MARCHF3: variants seen among roughly 807,000 people sequenced by gnomAD.
The protein encoded by MARCHF3 is membrane associated ring-CH-type finger 3.
A neutral mutation model predicts 24.2 loss-of-function variants in MARCHF3; 13 were observed. The ratio of observed to expected loss-of-function variants is 0.54; its 90% CI spans 0.35 to 0.85. MARCHF3 has a LOEUF of 0.85. Among genes scored for constraint, MARCHF3 ranks in the 40% least tolerant of loss-of-function variants. MARCHF3 has a pLI of 0.01. For synonymous variants in MARCHF3, 144 were observed against 137.3 expected (o/e 1.05, Z -0.34); for missense variants, 276 against 325.0 (o/e 0.85, Z 1.16).
intron 1 of MARCHF3, among the ~76,000 whole-genome samples, chr5:127,008,404 T>C (rs1453505983): frequency 6.6e-6 from 1 of 152,186 alleles, no homozygotes; most frequent in Non-Finnish European, 1.5e-5. Context: ...TGGGGTGAGT[T>C]TTCTTCTGCA....
intron 3 of MARCHF3, among the ~76,000 whole-genome samples, chr5:126,897,633 G>C (rs1753965590): frequency 6.6e-6 from 1 of 152,002 alleles, no homozygotes; most frequent in African/African-American, 2.4e-5. Context: ...AAAGAAGAAA[G>C]TAAAAGATGA....
At chr5:126,940,443 A>T (rs1395579231) in intron 1 of MARCHF3, among the ~76,000 whole-genome samples, 2 of 151,008 alleles carry the variant, frequency 1.3e-5, no homozygotes, top group Admixed American at 6.6e-5. Context: ...TATGTTTTTA[A>T]TTTTTTTTTC....
chr5:126,982,380 A>G (rs1580705153), intron 1 of MARCHF3, among the ~76,000 whole-genome samples: 1 of 152,138 alleles, frequency 6.6e-6, no homozygotes, highest in South Asian at 2.1e-4. Context: ...AGGGATGGGG[A>G]AGGAACAGCA....
intron 1 of MARCHF3, among the ~76,000 whole-genome samples, chr5:126,967,324 C>T (rs1055725226): frequency 3.3e-5 from 5 of 152,150 alleles, no homozygotes; most frequent in Admixed American, 6.5e-5. Context: ...AAAATATGTG[C>T]GTGTCTGAAC....
chr5:127,015,905 ATCC>A (rs1163736704), intron 1 of MARCHF3, among the ~76,000 whole-genome samples: 1 of 152,106 alleles, frequency 6.6e-6, no homozygotes, highest in Non-Finnish European at 1.5e-5. Context: ...TTGGACATGC[ATCC>A]TCTGCTTGTG....
intron 1 of MARCHF3, among the ~76,000 whole-genome samples, chr5:127,028,228 A>G (rs1220662555): frequency 6.6e-6 from 1 of 152,210 alleles, no homozygotes; most frequent in African/African-American, 2.4e-5. Context: ...GAAAAATATG[A>G]ACTATGCTTC....
intron 1 of MARCHF3, among the ~76,000 whole-genome samples, chr5:127,015,536 A>T (rs113177380): frequency 5.9e-5 from 9 of 152,308 alleles, no homozygotes; most frequent in African/African-American, 2.2e-4. Flanking sequence ...AAAAGCACAC[A>T]CTTTAGTGGA....
At chr5:126,878,906 G>A (rs988102631) in intron 3 of MARCHF3, among the ~76,000 whole-genome samples, 2 of 152,214 alleles carry the variant, frequency 1.3e-5, no homozygotes, top group Non-Finnish European at 2.9e-5. Flanking sequence ...CCTGATAAGA[G>A]TATTTTGCAT....
intron 1 of MARCHF3, among the ~76,000 whole-genome samples, chr5:126,996,476 G>A (rs1751951851): frequency 1.3e-5 from 2 of 151,918 alleles, no homozygotes; most frequent in African/African-American, 4.8e-5. Flanking sequence ...CTGGGTCCCT[G>A]GTTTAAATGT....
intron 1 of MARCHF3, among the ~76,000 whole-genome samples, chr5:126,940,247 T>G (rs1254746495): frequency 6.6e-6 from 1 of 152,110 alleles, no homozygotes; most frequent in African/African-American, 2.4e-5. Context: ...CTTTAGTGAG[T>G]GGGTGAACTC....
At chr5:126,956,645 CAAAAAAA>C (rs60640113) in intron 1 of MARCHF3, among the ~76,000 whole-genome samples, 2 of 20,598 alleles carry the variant, frequency 9.7e-5, no homozygotes, top group Non-Finnish European at 3.0e-4. Context: ...GCTCTGTCTC[CAAAAAAA>C]AAAAAAAAAA....
At chr5:126,917,710 A>C (rs1580640705) in intron 2 of MARCHF3, among the ~76,000 whole-genome samples, 1 of 152,222 alleles carries the variant, frequency 6.6e-6, no homozygotes, top group East Asian at 1.9e-4. Flanking sequence ...CAATGTCAAA[A>C]TAACAACCCC....
At chr5:126,929,798 A>C (rs1749421649) in intron 1 of MARCHF3, among the ~76,000 whole-genome samples, 2 of 152,202 alleles carry the variant, frequency 1.3e-5, no homozygotes, top group African/African-American at 4.8e-5. Flanking sequence ...TAATTGAATC[A>C]TGGGGGCAGG....
At chr5:127,004,243 T>C (rs1281909634) in intron 1 of MARCHF3, among the ~76,000 whole-genome samples, 1 of 152,146 alleles carries the variant, frequency 6.6e-6, no homozygotes, top group East Asian at 1.9e-4. Flanking sequence ...TCCCTATAAA[T>C]AGGCTGCAAA....
intron 3 of MARCHF3, among the ~76,000 whole-genome samples, chr5:126,883,193 G>A (rs965845798): frequency 6.6e-6 from 1 of 152,148 alleles, no homozygotes; most frequent in Non-Finnish European, 1.5e-5. Flanking sequence ...AGTCTTCAGC[G>A]TATACTTGGT....
intron 3 of MARCHF3, among the ~76,000 whole-genome samples, chr5:126,911,196 G>T (rs774171872): frequency 3.9e-5 from 6 of 152,172 alleles, no homozygotes; most frequent in African/African-American, 1.4e-4. Context: ...GTGGTCCTGT[G>T]ATCTCGCCCT....
intron 4 of MARCHF3, among the ~76,000 whole-genome samples, chr5:126,877,311 T>C (rs1185575099): frequency 6.6e-6 from 1 of 152,096 alleles, no homozygotes; most frequent in Non-Finnish European, 1.5e-5. Context: ...GAAATACATA[T>C]TGAATAACAG....
At chr5:126,962,028 C>T (rs1247921918) in intron 1 of MARCHF3, among the ~76,000 whole-genome samples, 4 of 152,172 alleles carry the variant, frequency 2.6e-5, no homozygotes, top group Admixed American at 6.5e-5. Flanking sequence ...AACAAACAGG[C>T]ACCTGCAAAA....
intron 1 of MARCHF3, among the ~76,000 whole-genome samples, chr5:126,925,293 T>G (rs1364738033): frequency 6.6e-6 from 1 of 152,216 alleles, no homozygotes; most frequent in Non-Finnish European, 1.5e-5. Flanking sequence ...AATATGTTCC[T>G]AGTGTACTAC....
Sources: gnomAD v4.1 joint callset for allele counts (sites outside exome capture counted in the v4.1 genomes callset) on GRCh38, gnomAD v4.1.1 for gene constraint, MANE v1.5 for transcripts, NCBI Gene and HGNC (gene_info 2026-07-23, HGNC 2026-07-21) for gene names.